RGS20: variants seen among roughly 807,000 people sequenced by gnomAD.
The protein encoded by RGS20 is gz-selective GTPase-activating protein.
A neutral mutation model predicts 33.6 loss-of-function variants in RGS20; 30 were observed. The ratio of observed to expected loss-of-function variants is 0.89; its 90% CI spans 0.67 to 1.21. RGS20 has a LOEUF of 1.21. RGS20 is among the 50% of genes most tolerant of loss of function. The pLI is 0.00. For missense variants in RGS20, 472 were observed against 502.4 expected, an observed-to-expected ratio of 0.94 and a Z score of 0.58; for synonymous variants, 208 against 197.9, an observed-to-expected ratio of 1.05 and a Z score of -0.43.
intron 2 of RGS20, among the ~76,000 whole-genome samples, chr8:53,931,232 G>A (rs1265463270): frequency 1.3e-5 from 2 of 152,076 alleles, no homozygotes; most frequent in African/African-American, 4.8e-5. Flanking sequence ...CCCTTTGATG[G>A]GTCTTTCTTG....
At chr8:53,892,350 T>A (rs1407009660) in intron 2 of RGS20, among the ~76,000 whole-genome samples, 1 of 152,248 alleles carries the variant, frequency 6.6e-6, no homozygotes, top group African/African-American at 2.4e-5. Context: ...GCAATAAACA[T>A]ACATGTGCAT....
chr8:53,855,422 A>C (rs1157640945), intron 1 of RGS20, among the ~76,000 whole-genome samples: 1 of 152,182 alleles, frequency 6.6e-6, no homozygotes, highest in Non-Finnish European at 1.5e-5. Flanking sequence ...CATGGTTGCC[A>C]AAGATTAGGG....
chr8:53,935,493 T>C (rs1367269694), intron 2 of RGS20, among the ~76,000 whole-genome samples: 3 of 152,092 alleles, frequency 2.0e-5, no homozygotes, highest in African/African-American at 7.2e-5. Flanking sequence ...ACAAATAAAC[T>C]AGAAAATCTA....
intron 3 of RGS20, among the ~76,000 whole-genome samples, chr8:53,940,167 G>A (rs562525422): frequency 6.6e-6 from 1 of 152,178 alleles, no homozygotes; most frequent in African/African-American, 2.4e-5. Flanking sequence ...TTGTAATAAA[G>A]AGAAATGTCA....
At chr8:53,916,562 G>T (rs1244606990) in intron 2 of RGS20, among the ~76,000 whole-genome samples, 1 of 152,140 alleles carries the variant, frequency 6.6e-6, no homozygotes, top group Non-Finnish European at 1.5e-5. Context: ...AAGTATGGTT[G>T]TTGGCCTAAT....
At chr8:53,930,875 GCAT>G (rs1471669280) in intron 2 of RGS20, among the ~76,000 whole-genome samples, 1 of 152,124 alleles carries the variant, frequency 6.6e-6, no homozygotes, top group African/African-American at 2.4e-5. Flanking sequence ...GTTACCTGGA[GCAT>G]CTTTTGTTCA....
At chr8:53,909,961 A>G (rs1196499811) in intron 2 of RGS20, among the ~76,000 whole-genome samples, 1 of 152,124 alleles carries the variant, frequency 6.6e-6, no homozygotes, top group Non-Finnish European at 1.5e-5. Context: ...AATGAAGGTG[A>G]CCAGTAGATA....
chr8:53,885,234 A>G (rs1006602589), intron 2 of RGS20, among the ~76,000 whole-genome samples: 5 of 152,198 alleles, frequency 3.3e-5, no homozygotes, highest in Admixed American at 3.3e-4. Context: ...TTATTTCCGC[A>G]TGTGGGCATC....
chr8:53,888,889 G>A (rs991853205), intron 2 of RGS20, among the ~76,000 whole-genome samples: 1 of 152,180 alleles, frequency 6.6e-6, no homozygotes, highest in Non-Finnish European at 1.5e-5. Context: ...TGTTGTACGT[G>A]TTGTTATTTT....
chr8:53,953,789 T>C (rs900333418), intron 4 of RGS20, among the ~76,000 whole-genome samples: 1 of 152,202 alleles, frequency 6.6e-6, no homozygotes, highest in African/African-American at 2.4e-5. Flanking sequence ...TTTTAAAATA[T>C]TTCAAGATGT....
chr8:53,896,107 C>T (rs1812848398), intron 2 of RGS20, among the ~76,000 whole-genome samples: 1 of 152,002 alleles, frequency 6.6e-6, no homozygotes, highest in Non-Finnish European at 1.5e-5. Flanking sequence ...AAAGCAAGAC[C>T]CTGCCTCTGC....
chr8:53,920,823 A>G (rs193106483), intron 2 of RGS20, among the ~76,000 whole-genome samples: 284 of 152,198 alleles, frequency 1.9e-3, no homozygotes, highest in Non-Finnish European at 3.1e-3. Context: ...CAGTGGTGCA[A>G]TTTCAGCTCA....
At chr8:53,874,539 C>T (rs557207773) in intron 1 of RGS20, among the ~76,000 whole-genome samples, 1 of 152,180 alleles carries the variant, frequency 6.6e-6, no homozygotes, top group Non-Finnish European at 1.5e-5. Context: ...CAAGTAAGAG[C>T]TGATGTTGCA....
chr8:53,887,390 A>G, intron 2 of RGS20: 1 of 250,768 alleles, frequency 4.0e-6, no homozygotes, highest in South Asian at 6.1e-5. Flanking sequence ...CTTATCCTGG[A>G]TATTGGCCTT....
chr8:53,884,602 G>A (rs573741132), intron 2 of RGS20, among the ~76,000 whole-genome samples: 1 of 152,198 alleles, frequency 6.6e-6, no homozygotes, highest in East Asian at 1.9e-4. Flanking sequence ...TAAGGGTCTG[G>A]GCCAGAGATC....
intron 2 of RGS20, among the ~76,000 whole-genome samples, chr8:53,883,654 C>T (rs766738368): frequency 1.3e-5 from 2 of 152,008 alleles, no homozygotes; most frequent in Non-Finnish European, 2.9e-5. Flanking sequence ...GCACCTACCT[C>T]GGCAGCTCAG....
At chr8:53,889,435 TTTTTTTTTTTTTTTTTG>T (rs1812647236) in intron 2 of RGS20, among the ~76,000 whole-genome samples, 1 of 122,580 alleles carries the variant, frequency 8.2e-6, no homozygotes, top group East Asian at 2.3e-4. Context: ...TTTTTTTTTT[TTTTTTTTTTTTTTTTTG>T]AGACAGGGTC....
chr8:53,863,480 T>TC (rs1164373139), intron 1 of RGS20, among the ~76,000 whole-genome samples: 1 of 152,118 alleles, frequency 6.6e-6, no homozygotes, highest in African/African-American at 2.4e-5. Flanking sequence ...CTGGTGGAAA[T>TC]CCAAGCACTG....
At chr8:53,874,406 G>GCT (rs1563349598) in intron 1 of RGS20, among the ~76,000 whole-genome samples, 59 of 147,634 alleles carry the variant, frequency 4.0e-4, no homozygotes, top group African/African-American at 1.4e-3. Flanking sequence ...GTGTGTGCGC[G>GCT]CGCGTGTGCT....
Sources: gnomAD v4.1 joint callset for allele counts (sites outside exome capture counted in the v4.1 genomes callset) on GRCh38, gnomAD v4.1.1 for gene constraint, MANE v1.5 for transcripts, NCBI Gene and HGNC (gene_info 2026-07-23, HGNC 2026-07-21) for gene names.